Variants in TNR observed in about 807,000 individuals in gnomAD.
The protein encoded by TNR is tenascin-R.
A neutral mutation model predicts 150.4 loss-of-function variants in TNR; 45 were observed. The ratio of observed to expected loss-of-function variants is 0.30; its 90% CI spans 0.24 to 0.38. The LOEUF (loss-of-function observed/expected upper bound fraction) is 0.38, where lower values mean the gene tolerates loss of function less well. TNR is among the 10% of genes least tolerant of loss of function. The pLI, the probability that TNR is intolerant of heterozygous loss-of-function variation, is 1.00. For synonymous variants in TNR, 687 were observed against 678.4 expected (o/e 1.01, Z -0.20); for missense variants, 1,544 against 1,759.1 (o/e 0.88, Z 2.19).
At chr1:175,628,903 C>G (rs912342685) in intron 1 of TNR, among the ~76,000 whole-genome samples, 4 of 152,320 alleles carry the variant, frequency 2.6e-5, no homozygotes, top group South Asian at 2.1e-4. Flanking sequence ...ATGAAGGACA[C>G]TTATCTCTGG....
intron 1 of TNR, among the ~76,000 whole-genome samples, chr1:175,705,585 A>G (rs1439262255): frequency 6.6e-6 from 1 of 151,900 alleles, no homozygotes; most frequent in Non-Finnish European, 1.5e-5. Context: ...GTACCTATGT[A>G]TGTGTGTATG....
At chr1:175,703,406 T>C (rs1029589002) in intron 1 of TNR, among the ~76,000 whole-genome samples, 1 of 152,236 alleles carries the variant, frequency 6.6e-6, no homozygotes, top group Non-Finnish European at 1.5e-5. Context: ...AGAGGCATCA[T>C]TCAATTAAAA....
chr1:175,653,029 A>G (rs978537094), intron 1 of TNR, among the ~76,000 whole-genome samples: 3 of 152,226 alleles, frequency 2.0e-5, no homozygotes, highest in African/African-American at 7.2e-5. Context: ...TTAAAGTCCG[A>G]CACCATCAGG....
chr1:175,602,801 C>T (rs1034817040), intron 1 of TNR, among the ~76,000 whole-genome samples: 1 of 152,178 alleles, frequency 6.6e-6, no homozygotes, highest in Non-Finnish European at 1.5e-5. Flanking sequence ...GGTTACATGA[C>T]TTCATTTGCT....
intron 2 of TNR, among the ~76,000 whole-genome samples, chr1:175,429,534 C>T (rs1571427604): frequency 2.0e-5 from 3 of 152,310 alleles, no homozygotes; most frequent in Admixed American, 2.0e-4. Context: ...ATGACATGAT[C>T]AGTGTTCAGT....
At chr1:175,590,924 T>C (rs1260569135) in intron 1 of TNR, among the ~76,000 whole-genome samples, 3 of 152,200 alleles carry the variant, frequency 2.0e-5, no homozygotes, top group Non-Finnish European at 4.4e-5. Flanking sequence ...ACGCTAGTTA[T>C]AGCAGACAGG....
At position 175,322,607 on chromosome 1, in the gene TNR, C is replaced by T. The variant is rs1441198928; in HGVS notation, c.*750G>A. On this transcript the variant is annotated 3_prime_UTR_variant, in exon 23 of 23. Transcript: ENST00000367674. ...AGCCTGGACAACACAGTGAGACCCCCATCTCTACAAAAAATAAAAGAAAAA... is the reference window on the plus strand; with the variant it reads ...AGCCTGGACAACACAGTGAGACCCCTATCTCTACAAAAAATAAAAGAAAAA... 1 of 152,188 alleles carries T rather than the reference C, an allele frequency of 6.6e-6. No homozygotes were observed. The highest frequency in any genetic ancestry group is 1.5e-5 in the Non-Finnish European group (1 of 68,088). 9.4% of individuals were successfully genotyped at this position (152,188 alleles called of 1,614,324 possible).
intron 4 of TNR, among the ~76,000 whole-genome samples, chr1:175,399,507 G>A (rs59911483): frequency 0.031 from 4,781 of 152,306 alleles, 240 homozygotes; most frequent in African/African-American, 0.11. Context: ...AGCAACTGGC[G>A]TCATTCCTCG....
intron 1 of TNR, among the ~76,000 whole-genome samples, chr1:175,690,829 C>A (rs72727608): frequency 0.03 from 4,581 of 152,068 alleles, 92 homozygotes; most frequent in Middle Eastern, 0.051. Flanking sequence ...GGGTGGGAGT[C>A]ATTGAAGGAG....
In TNR at chr1:175,315,585, A is replaced by G. The variant is rs980673977; in HGVS notation, c.*7772T>C. ...AAATGACAAACTCAAATTCAAAGGGATTGGAGGATTTGGTGTTTATGATTT... is the reference window on the plus strand; with the variant it reads ...AAATGACAAACTCAAATTCAAAGGGGTTGGAGGATTTGGTGTTTATGATTT... On this transcript the variant is annotated 3_prime_UTR_variant, in exon 23 of 23. Transcript: ENST00000367674. 3.3e-5 allele frequency: 5 copies of G among 152,024 alleles called. No homozygotes were observed. The highest frequency in any genetic ancestry group is 7.4e-5 in the Non-Finnish European group (5 of 68,006). The allele number at this position is 152,024 out of a possible 1,614,324, so 9.4% of individuals were successfully genotyped here.
chr1:175,331,089 CTT>C (rs1157584767), intron 20 of TNR, among the ~76,000 whole-genome samples: 46 of 120,862 alleles, frequency 3.8e-4, no homozygotes, highest in East Asian at 1.7e-3. Context: ...TTCTTTCTTT[CTT>C]TCTTTCTTTC....
chr1:175,708,686 A>G (rs1458715318), intron 1 of TNR, among the ~76,000 whole-genome samples: 1 of 152,182 alleles, frequency 6.6e-6, no homozygotes. Context: ...GCTGACAGAC[A>G]AATGAACCAT....
chr1:175,509,001 C>T (rs1381767046), intron 2 of TNR, among the ~76,000 whole-genome samples: 2 of 152,210 alleles, frequency 1.3e-5, no homozygotes, highest in Non-Finnish European at 1.5e-5. Flanking sequence ...CAGCCCTCTC[C>T]TCAGAAGTAG....
chr1:175,593,333 C>A lies in TNR; in HGVS notation c.-164-64964G>T, dbSNP rs1019961763. ...ACACTGTTCACAGTGCTGTTGTAAA[C>A]CAAGCCTCACATAGAGCCAGTTAAT... On this transcript the variant is annotated intron_variant, in intron 1 of 22. Coordinates refer to ENST00000367674, the MANE Select transcript of TNR (RefSeq NM_003285.3). Among the ~76,000 whole-genome samples the A allele has an allele frequency of 6.2e-4, 94 of 152,136 alleles. 1 individual carries two copies. Among genetic ancestry groups the A allele is most frequent in the Non-Finnish European group, 4.4e-4 (30 of 68,020 alleles).
chr1:175,439,941 T>C (rs1000155180), intron 2 of TNR, among the ~76,000 whole-genome samples: 4 of 152,212 alleles, frequency 2.6e-5, no homozygotes, highest in African/African-American at 7.2e-5. Flanking sequence ...TGTAAACTAG[T>C]TCAACCATTG....
intron 1 of TNR, among the ~76,000 whole-genome samples, chr1:175,673,468 A>AGT (rs1242554195): frequency 1.5e-4 from 23 of 152,336 alleles, no homozygotes; most frequent in Admixed American, 1.5e-3. Flanking sequence ...TAAACAGTTA[A>AGT]GTGTTTGCTT....
At chr1:175,451,215 T>TG (rs1302816639) in intron 2 of TNR, among the ~76,000 whole-genome samples, 14 of 123,568 alleles carry the variant, frequency 1.1e-4, no homozygotes, top group African/African-American at 3.2e-4. Flanking sequence ...TTTTTTTTTT[T>TG]TAATGTTTTT....
chr1:175,635,391 C>T (rs1246072860), intron 1 of TNR, among the ~76,000 whole-genome samples: 3 of 152,196 alleles, frequency 2.0e-5, no homozygotes, highest in Non-Finnish European at 2.9e-5. Flanking sequence ...TGGGATTTGT[C>T]CTGGTTTTAA....
At chr1:175,342,490 C>A (rs1650570600) in intron 18 of TNR, among the ~76,000 whole-genome samples, 1 of 152,108 alleles carries the variant, frequency 6.6e-6, no homozygotes, top group South Asian at 2.1e-4. Context: ...GGGATGGGAT[C>A]ATGTCATTTA....
Sources: allele counts gnomAD v4.1 joint callset (sites outside exome capture counted in the v4.1 genomes callset), GRCh38; gene constraint gnomAD v4.1.1; transcripts MANE v1.5; gene names NCBI Gene and HGNC (gene_info 2026-07-23, HGNC 2026-07-21).